The following UBE2E1 variants were observed in gnomAD, a reference collection of about 807,000 sequenced individuals.
UBE2E1 encodes ubiquitin-conjugating enzyme E2 E1.
UBE2E1 carries 6 observed loss-of-function variants against 21.4 expected under a neutral mutation model. That is an observed-to-expected ratio of 0.28 (90% CI 0.15 to 0.55). UBE2E1 has a LOEUF of 0.55. Among genes scored for constraint, UBE2E1 ranks in the 20% least tolerant of loss-of-function variants. The pLI, the probability that UBE2E1 is intolerant of heterozygous loss-of-function variation, is 0.93. For synonymous variants in UBE2E1, 87 were observed against 82.7 expected, an observed-to-expected ratio of 1.05 and a Z score of -0.28; for missense variants, 142 against 236.5, an observed-to-expected ratio of 0.60 and a Z score of 2.62.
intron 3 of UBE2E1, among the ~76,000 whole-genome samples, chr3:23,883,371 G>T (rs1373976978): frequency 1.3e-5 from 2 of 152,124 alleles, no homozygotes; most frequent in Non-Finnish European, 2.9e-5. Context: ...GTAAAGCTGA[G>T]TCTTACTCCC....
chr3:23,872,683 A>G (rs949903209), intron 3 of UBE2E1, among the ~76,000 whole-genome samples: 3 of 152,236 alleles, frequency 2.0e-5, no homozygotes, highest in Non-Finnish European at 4.4e-5. Flanking sequence ...CAAAAAACAT[A>G]TTAATATAAA....
chr3:23,811,295 T>C (rs556154787), intron 2 of UBE2E1, among the ~76,000 whole-genome samples, 165 bp from the exon 3 acceptor site: 25 of 152,284 alleles, frequency 1.6e-4, no homozygotes, highest in African/African-American at 5.1e-4. Context: ...GTGAAAAGTT[T>C]TTTTCCTAAA....
At chr3:23,820,411 C>T (rs139978551) in intron 3 of UBE2E1, among the ~76,000 whole-genome samples, 2,777 of 152,272 alleles carry the variant, frequency 0.018, 39 homozygotes, top group South Asian at 0.05. Flanking sequence ...AGAGTCCATG[C>T]CACATTACAT....
At chr3:23,882,818 C>T (rs542189996) in intron 3 of UBE2E1, among the ~76,000 whole-genome samples, 81 of 152,314 alleles carry the variant, frequency 5.3e-4, no homozygotes, top group African/African-American at 1.9e-3. Flanking sequence ...TGGCGCCGGC[C>T]GGCTGCTCCG....
chr3:23,877,249 T>C (rs1341005245), intron 3 of UBE2E1, among the ~76,000 whole-genome samples: 1 of 152,058 alleles, frequency 6.6e-6, no homozygotes, highest in Non-Finnish European at 1.5e-5. Flanking sequence ...TATATGCAAA[T>C]TAACTTTTAA....
In UBE2E1 at chr3:23,816,391, A is replaced by G. The variant is rs927495523; in HGVS notation, c.203+4881A>G. On this transcript the variant is annotated intron_variant, in intron 3 of 5. Transcript: ENST00000306627. This position sits in a 1 kb window ranked among gnomAD's most constrained non-coding sequence, Gnocchi z 4.8. The stretch of plus-strand genomic sequence containing the variant: ...AGGAATGAAGTTGTGATGCATGGAT[A>G]CAACATGGTTGAACCTTAATGTTAT... Among the ~76,000 whole-genome samples, 3 of 152,236 alleles carry G rather than the reference A, an allele frequency of 2.0e-5. No homozygotes were observed. Among genetic ancestry groups the G allele is most frequent in the African/African-American group, 7.2e-5 (3 of 41,472 alleles).
In UBE2E1 at chr3:23,810,710, C is replaced by A; in HGVS notation, c.153-750C>A. ...GGTTCTGGGCGCCGGGAGAGGAGAG[C>A]TGGGGCGGCGCGGAGCAGCCCCCGT... On this transcript the variant is annotated intron_variant, in intron 2 of 5. Transcript: ENST00000306627. The surrounding 1 kb of genome is among the most constrained non-coding windows in gnomAD (Gnocchi z 5.8). The A allele has an allele frequency of 1.9e-6, 1 of 523,564 alleles. No individual in the cohort carries two copies. Among genetic ancestry groups the A allele is most frequent in the Non-Finnish European group, 3.2e-6 (1 of 310,830 alleles). 32.4% of individuals were successfully genotyped at this position (523,564 alleles called of 1,614,324 possible). A position where few individuals can be genotyped will look rare whatever the true frequency, so the allele number is the denominator to read the frequency against.
At chr3:23,866,205 C>T (rs1205074197) in intron 3 of UBE2E1, 1 of 152,564 alleles carries the variant, frequency 6.6e-6, no homozygotes, top group African/African-American at 2.4e-5. Context: ...GTAAATAGCT[C>T]TCCTCACCTC....
chr3:23,881,014 C>T (rs192319224), intron 3 of UBE2E1, among the ~76,000 whole-genome samples: 3 of 152,308 alleles, frequency 2.0e-5, no homozygotes, highest in Admixed American at 1.3e-4. Flanking sequence ...TATGTAGCCA[C>T]GCTGTCCAGT....
At chr3:23,819,621 A>G (rs532046013) in intron 3 of UBE2E1, among the ~76,000 whole-genome samples, 17 of 152,230 alleles carry the variant, frequency 1.1e-4, no homozygotes, top group Non-Finnish European at 2.2e-4. Flanking sequence ...TAAACAATAC[A>G]TATTTGTTAA....
chr3:23,817,946 G>A lies in UBE2E1; in HGVS notation c.203+6436G>A, dbSNP rs186130007. Among the ~76,000 whole-genome samples, 27 of 152,326 alleles carry A rather than the reference G, an allele frequency of 1.8e-4. No homozygotes were observed. In the East Asian group the frequency reaches 4.8e-3, roughly 27 times the overall value. On this transcript the variant is annotated intron_variant, in intron 3 of 5. Coordinates refer to ENST00000306627, the MANE Select transcript of UBE2E1 (RefSeq NM_003341.5). The stretch of plus-strand genomic sequence containing the variant: ...TCAGATAGAGTTGGCTATCTGGATA[G>A]AGACAGAGTAAGGATTGAGTGGAGC...
At chr3:23,837,856 A>G (rs1700004007) in intron 3 of UBE2E1, among the ~76,000 whole-genome samples, 2 of 152,198 alleles carry the variant, frequency 1.3e-5, no homozygotes, top group Admixed American at 6.5e-5. Context: ...GACAGGTAAT[A>G]TGGAGAACTG....
At chr3:23,871,838 C>T (rs984531588) in intron 3 of UBE2E1, among the ~76,000 whole-genome samples, 5 of 151,998 alleles carry the variant, frequency 3.3e-5, no homozygotes, top group African/African-American at 1.2e-4. Context: ...AGGCGCTCCT[C>T]ACTTCCTAGA....
In UBE2E1 at chr3:23,842,198, G is replaced by GGGTGT. The variant is rs1553637704; in HGVS notation, c.203+30689_203+30690insGTGTG. Among the ~76,000 whole-genome samples the GGGTGT allele has an allele frequency of 9.6e-6, 1 of 104,284 alleles. No individual in the cohort carries two copies. Among genetic ancestry groups the GGGTGT allele is most frequent in the East Asian group, 3.0e-4 (1 of 3,376 alleles). 68.4% of individuals were successfully genotyped at this position (104,284 alleles called of 152,430 possible). ...TATGTCATGACCCAGTAAGTGAAGGGGTGTGTGTGTGTGTGTGTGTGTGTG... is the reference window on the plus strand; with the variant it reads ...TATGTCATGACCCAGTAAGTGAAGGGGGTGTGTGTGTGTGTGTGTGTGTGTGTGTG... On this transcript the variant is annotated intron_variant, in intron 3 of 5. Transcript: ENST00000306627. This position sits in a 1 kb window ranked among gnomAD's most constrained non-coding sequence, Gnocchi z 4.6.
At position 23,823,064 on chromosome 3, in the gene UBE2E1, C is replaced by T. The variant is rs753180662; in HGVS notation, c.203+11554C>T. The stretch of plus-strand genomic sequence containing the variant: ...GTTTCACCATGTTGGCCAGGCTAGT[C>T]GAAAACTCCTGACCTTGTGATCCAC... On this transcript the variant is annotated intron_variant, in intron 3 of 5. Coordinates refer to ENST00000306627, the MANE Select transcript of UBE2E1 (RefSeq NM_003341.5). This position sits in a 1 kb window ranked among gnomAD's most constrained non-coding sequence, Gnocchi z 4.2. 1.3e-5 allele frequency among the ~76,000 whole-genome samples: 2 copies of T among 152,204 alleles called. No homozygotes were observed. The highest frequency in any genetic ancestry group is 1.9e-4 in the East Asian group (1 of 5,172).
In UBE2E1 at chr3:23,853,957, C is replaced by T. The variant is rs903728009; in HGVS notation, c.204-33610C>T. The stretch of plus-strand genomic sequence containing the variant: ...TGATAGGCTGACCCAAGCCCAGGCC[C>T]ATCAGAATGCTTTATCTTGGTCAGG... On this transcript the variant is annotated intron_variant, in intron 3 of 5. Coordinates refer to ENST00000306627, the MANE Select transcript of UBE2E1 (RefSeq NM_003341.5). This position sits in a 1 kb window ranked among gnomAD's most constrained non-coding sequence, Gnocchi z 4.1. 1.2e-4 allele frequency among the ~76,000 whole-genome samples: 19 copies of T among 152,188 alleles called. No individual in the cohort carries two copies. Among genetic ancestry groups the T allele is most frequent in the African/African-American group, 4.1e-4 (17 of 41,526 alleles).
At chr3:23,888,181 A>C in intron 4 of UBE2E1, 1 of 455,818 alleles carries the variant, frequency 2.2e-6, no homozygotes, top group Admixed American at 2.4e-5. Flanking sequence ...CTCTTCCCAA[A>C]GCTTTGGATT....
chr3:23,811,477 C>T lies in UBE2E1; in HGVS notation c.170C>T (p.Ala57Val). ...CACTCCAGAATTCAGAAGGAGCTGG[C>T]GGACATCACTTTAGACCCTCCACCT... ...TSAKRIQKEL[A>V]DITLDPPPNC... The change falls in exon 3 of 6, where the codon GCG becomes GTG. Residue 57 changes from alanine (A) to valine (V), a missense_variant. Coordinates refer to ENST00000306627, the MANE Select transcript of UBE2E1 (RefSeq NM_003341.5). 6.2e-7 allele frequency: 1 copy of T among 1,614,190 alleles called. No homozygotes were observed. The highest frequency in any genetic ancestry group is 8.5e-7 in the Non-Finnish European group (1 of 1,180,022).
chr3:23,879,679 G>A (rs749632880), intron 3 of UBE2E1, among the ~76,000 whole-genome samples: 12 of 152,224 alleles, frequency 7.9e-5, no homozygotes, highest in Non-Finnish European at 1.6e-4. Context: ...CCTGGGCCGC[G>A]GCGGAGGACA....
Sources: gnomAD v4.1 joint callset for allele counts (sites outside exome capture counted in the v4.1 genomes callset) on GRCh38, gnomAD v4.1.1 for gene constraint, Gnocchi (gnomAD v3.1) non-coding constraint, MANE v1.5 for transcripts, NCBI Gene and HGNC (gene_info 2026-07-23, HGNC 2026-07-21) for gene names.